Variants in ACTR3C observed in about 807,000 individuals in gnomAD.
ACTR3C encodes the protein actin-related protein 3C.
In ACTR3C, 18 loss-of-function variants were observed where a neutral mutation model predicts 26.3. That is an observed-to-expected ratio of 0.68 (90% CI 0.47 to 1.01). The LOEUF (loss-of-function observed/expected upper bound fraction) is 1.01. ACTR3C is among the 50% of genes least tolerant of loss of function. The pLI is 0.00. For missense variants in ACTR3C, 184 were observed against 250.7 expected (o/e 0.73, Z 1.80); for synonymous variants, 55 against 94.5 (o/e 0.58, Z 2.42).
the ACTR3C span, chr7:150,001,330 C>G: frequency 3.5e-4 from 53 of 152,296 alleles, no homozygotes; most frequent in African/African-American, 1.2e-3. Flanking sequence ...TGATCCTACA[C>G]AGGCAGAGAT....
the ACTR3C span, among the ~76,000 whole-genome samples, chr7:149,905,915 G>T: frequency 4.6e-5 from 7 of 151,996 alleles, no homozygotes; most frequent in Non-Finnish European, 7.4e-5. Flanking sequence ...AGGGGTGTAC[G>T]CTCTGTGACA....
intron 1 of ACTR3C, among the ~76,000 whole-genome samples, chr7:150,317,354 T>C (rs1431455641): frequency 6.6e-6 from 1 of 152,130 alleles, no homozygotes; most frequent in African/African-American, 2.4e-5. Flanking sequence ...CGCCCAGCCT[T>C]CCTTTGTATT....
chr7:150,199,520 G>A, the ACTR3C span, among the ~76,000 whole-genome samples: 1 of 113,174 alleles, frequency 8.8e-6, no homozygotes, highest in East Asian at 2.3e-4. Context: ...TTGTTCACTT[G>A]TTTATCTGCT....
At chr7:150,080,527 A>ATGTGTGTGTGTGTGTGTGTGTG in the ACTR3C span, among the ~76,000 whole-genome samples, 1 of 142,556 alleles carries the variant, frequency 7.0e-6, no homozygotes, top group African/African-American at 2.6e-5. Flanking sequence ...TTGTGTGTGT[A>ATGTGTGTGTGTGTGTGTGTGTG]TGTGTGTGTG....
chr7:149,884,927 GT>G, the ACTR3C span, among the ~76,000 whole-genome samples: 1 of 152,208 alleles, frequency 6.6e-6, no homozygotes, highest in Non-Finnish European at 1.5e-5. Context: ...GCTCCCAAGG[GT>G]TTTGGTGCTA....
chr7:150,181,018 G>A, the ACTR3C span, among the ~76,000 whole-genome samples: 2 of 151,270 alleles, frequency 1.3e-5, no homozygotes. Context: ...CCAACAGAAG[G>A]GTTAATATAT....
chr7:150,036,115 G>A, the ACTR3C span, among the ~76,000 whole-genome samples: 1 of 135,418 alleles, frequency 7.4e-6, no homozygotes, highest in African/African-American at 2.7e-5. Flanking sequence ...AAGAGCCAGG[G>A]GGGGAAGAGG....
the ACTR3C span, among the ~76,000 whole-genome samples, chr7:150,009,918 A>C: frequency 4.6e-5 from 7 of 152,166 alleles, no homozygotes; most frequent in Non-Finnish European, 8.8e-5. Flanking sequence ...TTCAGCTGTA[A>C]AGAGCAGACA....
the ACTR3C span, among the ~76,000 whole-genome samples, chr7:150,231,165 T>C: frequency 2.0e-5 from 3 of 152,204 alleles, no homozygotes; most frequent in African/African-American, 4.8e-5. Flanking sequence ...AAATATTTTA[T>C]ATTTCTCTTG....
chr7:150,135,589 C>A, the ACTR3C span, among the ~76,000 whole-genome samples: 2 of 152,158 alleles, frequency 1.3e-5, no homozygotes, highest in Non-Finnish European at 2.9e-5. Flanking sequence ...AAAGCATTAA[C>A]AAGCACATGC....
At chr7:150,267,853 T>A (rs1208236773) in intron 6 of ACTR3C, among the ~76,000 whole-genome samples, 1 of 152,210 alleles carries the variant, frequency 6.6e-6, no homozygotes, top group Non-Finnish European at 1.5e-5. Flanking sequence ...GAGCAGGGGC[T>A]GAGGAACTTC....
chr7:149,894,658 G>A, the ACTR3C span, among the ~76,000 whole-genome samples: 15 of 152,166 alleles, frequency 9.9e-5, no homozygotes, highest in African/African-American at 2.6e-4. Flanking sequence ...ACTAATCATC[G>A]GGGAAATGCA....
At chr7:150,170,168 A>C in the ACTR3C span, among the ~76,000 whole-genome samples, 1 of 150,042 alleles carries the variant, frequency 6.7e-6, no homozygotes, top group African/African-American at 2.5e-5. Context: ...GGCAGATCCC[A>C]GGCCCTTGGC....
the ACTR3C span, among the ~76,000 whole-genome samples, chr7:149,905,365 C>T: frequency 6.6e-6 from 1 of 151,326 alleles, no homozygotes; most frequent in Non-Finnish European, 1.5e-5. Context: ...AACTAGCCTT[C>T]CGCATGGAAA....
chr7:150,163,376 A>G, the ACTR3C span, among the ~76,000 whole-genome samples: 192 of 130,146 alleles, frequency 1.5e-3, no homozygotes, highest in Middle Eastern at 0.011. Flanking sequence ...ATATATATAT[A>G]TGTGTGTATG....
the ACTR3C span, among the ~76,000 whole-genome samples, chr7:150,099,511 C>A: frequency 4.0e-5 from 6 of 151,448 alleles, no homozygotes; most frequent in Non-Finnish European, 7.4e-5. Flanking sequence ...CGGATTGCTT[C>A]TGAGCTTCCA....
the ACTR3C span, among the ~76,000 whole-genome samples, chr7:150,120,761 A>T: frequency 1.3e-5 from 2 of 152,216 alleles, no homozygotes; most frequent in African/African-American, 4.8e-5. Context: ...CCTGATACCA[A>T]AACCTGGCAG....
At chr7:149,994,108 C>T in the ACTR3C span, among the ~76,000 whole-genome samples, 2 of 152,118 alleles carry the variant, frequency 1.3e-5, no homozygotes, top group African/African-American at 2.4e-5. Flanking sequence ...TTCAGTTATC[C>T]TCTTGTGATT....
At chr7:150,049,716 C>G in the ACTR3C span, among the ~76,000 whole-genome samples, 1 of 70,062 alleles carries the variant, frequency 1.4e-5, no homozygotes, top group East Asian at 2.7e-4. Context: ...AAGAGACCTC[C>G]CTTCAGTCCC....
Sources: allele counts gnomAD v4.1 joint callset (sites outside exome capture counted in the v4.1 genomes callset), GRCh38; gene constraint gnomAD v4.1.1; transcripts MANE v1.5; gene names NCBI Gene and HGNC (gene_info 2026-07-23, HGNC 2026-07-21).